PDZD2: variants seen among roughly 807,000 people sequenced by gnomAD.
PDZD2 encodes PDZ domain-containing protein 2.
Under a neutral mutation model 220.7 loss-of-function variants are expected in PDZD2, and 90 were observed. The observed-to-expected ratio is 0.41, with a 90% CI of 0.34 to 0.49. PDZD2 has a LOEUF of 0.49. Among genes scored for constraint, PDZD2 ranks in the 20% least tolerant of loss-of-function variants. The pLI is 0.28. For missense variants in PDZD2, 3,174 were observed against 3,608.5 expected, an observed-to-expected ratio of 0.88 and a Z score of 3.08; for synonymous variants, 1,375 against 1,450.5, an observed-to-expected ratio of 0.95 and a Z score of 1.18.
At chr5:31,705,193 CACACACACACACACACAT>C (rs926064343) in intron 1 of PDZD2, among the ~76,000 whole-genome samples, 57 of 79,260 alleles carry the variant, frequency 7.2e-4, no homozygotes, top group African/African-American at 1.9e-3. Context: ...CACACACACA[CACACACACACACACACAT>C]ACACACTCAC....
chr5:31,895,699 C>T (rs908257305), intron 2 of PDZD2, among the ~76,000 whole-genome samples: 2 of 152,126 alleles, frequency 1.3e-5, no homozygotes, highest in Non-Finnish European at 1.5e-5. Context: ...TCCCCTTCCT[C>T]GTTTTTTCAC....
At position 32,090,366 on chromosome 5, in the gene PDZD2, C is replaced by A; in HGVS notation, c.6918C>A (p.Cys2306Ter). ...TCATTTCAGTCCAGGAGACGAGCTGCCTAGTCACAGACAAAATCAAAGTCA... is the reference window on the plus strand; with the variant it reads ...TCATTTCAGTCCAGGAGACGAGCTGACTAGTCACAGACAAAATCAAAGTCA... ...GDIISVQETS[C>*]LVTDKIKVTR... The change falls in exon 20 of 25, where the codon TGC (cysteine) becomes TGA (stop). Residue 2306 changes from cysteine to a stop codon, truncating the protein, a stop_gained. Transcript: ENST00000438447. LOFTEE classifies it high-confidence loss of function. The surrounding 1 kb of genome is among the most constrained non-coding windows in gnomAD (Gnocchi z 4.3). 6.2e-7 allele frequency: 1 copy of A among 1,614,152 alleles called. No individual in the cohort carries two copies. The highest frequency in any genetic ancestry group is 8.5e-7 in the Non-Finnish European group (1 of 1,179,966).
chr5:31,671,641 A>G (rs563136546), intron 1 of PDZD2, among the ~76,000 whole-genome samples: 21 of 152,330 alleles, frequency 1.4e-4, no homozygotes, highest in African/African-American at 4.8e-4. Context: ...AATCTTGGGC[A>G]AGTGGCCAGC....
intron 1 of PDZD2, among the ~76,000 whole-genome samples, chr5:31,790,691 A>ATTTTTTT (rs869296191): frequency 7.9e-5 from 6 of 75,512 alleles, no homozygotes; most frequent in South Asian, 5.6e-4. Flanking sequence ...TATCTCTCTA[A>ATTTTTTT]TTTTTTTTTT....
intron 2 of PDZD2, among the ~76,000 whole-genome samples, chr5:31,859,292 C>T (rs937051393): frequency 6.6e-6 from 1 of 152,152 alleles, no homozygotes; most frequent in Admixed American, 6.5e-5. Context: ...ATTGCAATTC[C>T]CCTGTCTTGA....
chr5:32,097,451 A>C (rs1743829718), intron 22 of PDZD2, 71 bp downstream of exon 22: 1 of 905,116 alleles, frequency 1.1e-6, no homozygotes, highest in South Asian at 1.3e-5. Flanking sequence ...ATCAGGGCAC[A>C]AATTCCAATC....
chr5:31,844,254 G>C (rs1425728822), intron 2 of PDZD2, among the ~76,000 whole-genome samples: 7 of 152,146 alleles, frequency 4.6e-5, no homozygotes, highest in African/African-American at 1.7e-4. Context: ...TGAACTTAAT[G>C]ATGCAAAAAG....
chr5:31,641,460 GCTAAGGACTCAGAGGAA>G lies in PDZD2; in HGVS notation c.-361+2060_-361+2076del, dbSNP rs770985468. Among the ~76,000 whole-genome samples, 378 of 152,216 alleles carry G rather than the reference GCTAAGGACTCAGAGGAA, an allele frequency of 2.5e-3. 6 individuals are homozygous for G. In the East Asian group the frequency reaches 0.046, roughly 18 times the overall value. On this transcript the variant is annotated intron_variant, in intron 1 of 24. Coordinates refer to ENST00000438447, the MANE Select transcript of PDZD2 (RefSeq NM_178140.4). Reference sequence around the variant, plus strand: ...GGTTGATCCTGAGTTAGGACTCAGTGCTAAGGACTCAGAGGAACTAAGGACTCAGAGGAACTAAGGAC... The same window carrying G: ...GGTTGATCCTGAGTTAGGACTCAGTGCTAAGGACTCAGAGGAACTAAGGAC...
At chr5:31,988,204 C>T (rs1346121733) in intron 3 of PDZD2, among the ~76,000 whole-genome samples, 1 of 152,192 alleles carries the variant, frequency 6.6e-6, no homozygotes, top group African/African-American at 2.4e-5. Flanking sequence ...TAGCTGAAAC[C>T]CGTTTGGTGG....
intron 6 of PDZD2, among the ~76,000 whole-genome samples, chr5:32,030,409 G>A (rs996472099): frequency 2.0e-5 from 3 of 152,206 alleles, no homozygotes; most frequent in African/African-American, 4.8e-5. Flanking sequence ...CAGGGATCAC[G>A]TGGCATTGCT....
chr5:32,025,041 G>C (rs1754522825), intron 6 of PDZD2, among the ~76,000 whole-genome samples: 1 of 152,214 alleles, frequency 6.6e-6, no homozygotes, highest in African/African-American at 2.4e-5. Context: ...GGGCTCACCA[G>C]CATCTCAGCT....
At chr5:31,869,182 A>G (rs1277051031) in intron 2 of PDZD2, among the ~76,000 whole-genome samples, 1 of 152,204 alleles carries the variant, frequency 6.6e-6, no homozygotes, top group Non-Finnish European at 1.5e-5. Flanking sequence ...ATCTTCCTTC[A>G]GGACAAATCC....
chr5:31,657,576 C>T (rs1313886366), intron 1 of PDZD2, among the ~76,000 whole-genome samples: 3 of 152,166 alleles, frequency 2.0e-5, no homozygotes, highest in African/African-American at 7.2e-5. Flanking sequence ...CAAAAGTCAG[C>T]CAAGGGGCTC....
chr5:32,004,288 T>A (rs1274517785), intron 5 of PDZD2, among the ~76,000 whole-genome samples: 1 of 152,086 alleles, frequency 6.6e-6, no homozygotes, highest in Non-Finnish European at 1.5e-5. Context: ...TGAATGGTAT[T>A]AAGTTCCAAG....
In PDZD2 at chr5:31,740,528, A is replaced by G. The variant is rs1284274831; in HGVS notation, c.-360-58361A>G. On this transcript the variant is annotated intron_variant, in intron 1 of 24. Coordinates refer to ENST00000438447, the MANE Select transcript of PDZD2 (RefSeq NM_178140.4). Reference sequence around the variant, plus strand: ...TGACAGAGCAAGACTCCGTCTCAAAAAAAAAAAAAAAAAAAAAAAAAAAAA... The same window carrying G: ...TGACAGAGCAAGACTCCGTCTCAAAGAAAAAAAAAAAAAAAAAAAAAAAAA... 2.9e-4 allele frequency among the ~76,000 whole-genome samples: 12 copies of G among 40,802 alleles called. No individual in the cohort carries two copies. The South Asian group carries it at 9.8e-3, about 33-fold the overall frequency. 26.8% of individuals were successfully genotyped at this position (40,802 alleles called of 152,430 possible).
chr5:31,733,462 T>G (rs1158181350), intron 1 of PDZD2, among the ~76,000 whole-genome samples: 3 of 152,136 alleles, frequency 2.0e-5, no homozygotes, highest in Non-Finnish European at 4.4e-5. Context: ...CTGCGTGTGG[T>G]CTGACCCACA....
At position 32,074,348 on chromosome 5, in the gene PDZD2, C is replaced by T. The variant is rs1434746611; in HGVS notation, c.3242C>T (p.Ser1081Leu). Residue 1081 changes from serine to leucine, a missense_variant, in exon 18 of 25, where the codon TCA becomes TTA. This residue lies in a region of PDZD2 where 1,861 missense variants were observed against 2,001.0 expected (regional missense o/e 0.93). Coordinates refer to ENST00000438447, the MANE Select transcript of PDZD2 (RefSeq NM_178140.4). ...TGGTGGAAGAAGGAACTGTCAGGAT[C>T]AAGTAGCGCACCCAAATTGGAATAC... ...GSWWKKELSG[S>L]SSAPKLEYTV... is the part of the protein sequence containing the mutation. 3 of 1,614,070 alleles carry T rather than the reference C, an allele frequency of 1.9e-6. No homozygotes were observed. Among genetic ancestry groups the T allele is most frequent in the Non-Finnish European group, 2.5e-6 (3 of 1,180,040 alleles).
chr5:32,051,565 G>A (rs1001905070), intron 8 of PDZD2, among the ~76,000 whole-genome samples: 10 of 152,204 alleles, frequency 6.6e-5, no homozygotes, highest in Middle Eastern at 6.8e-3. Flanking sequence ...ATTCTAAGAA[G>A]AATAGCAAGG....
chr5:31,689,353 A>ATATTT, intron 1 of PDZD2, among the ~76,000 whole-genome samples: 1 of 35,120 alleles, frequency 2.8e-5, no homozygotes, highest in African/African-American at 2.1e-4. Flanking sequence ...ATATATATAT[A>ATATTT]TTTTTTTTTT....
Sources: allele counts gnomAD v4.1 joint callset (sites outside exome capture counted in the v4.1 genomes callset), GRCh38; gene constraint gnomAD v4.1.1; regional missense constraint gnomAD v4.1.1; non-coding constraint Gnocchi (gnomAD v3.1); transcripts MANE v1.5; gene names NCBI Gene and HGNC (gene_info 2026-07-23, HGNC 2026-07-21).